Variants in MYH15 observed in about 807,000 individuals in gnomAD.
MYH15 encodes the protein myosin-15.
In MYH15, 227 loss-of-function variants were observed where a neutral mutation model predicts 240.5. The observed-to-expected ratio is 0.94, with a 90% confidence interval of 0.85 to 1.05. MYH15 has a LOEUF of 1.05. Among genes scored for constraint, MYH15 ranks in the 50% least tolerant of loss-of-function variants. The pLI is 0.00. For synonymous variants in MYH15, 785 were observed against 796.7 expected (o/e 0.99, Z 0.25); for missense variants, 2,217 against 2,247.5 (o/e 0.99, Z 0.27).
rs1321098161 is a variant in MYH15 at position 108,480,337 on chromosome 3, AAAG to A, written c.1115-3825_1115-3823del. On this transcript the variant is annotated intron_variant, in intron 11 of 40. Transcript: ENST00000693548. ...GCGTTGAAGAGTACAAGGTATGGTCAAAGAAGAGGTTGTAACCCAGAGGGACTG... is the reference window on the plus strand; with the variant it reads ...GCGTTGAAGAGTACAAGGTATGGTCAAAGAGGTTGTAACCCAGAGGGACTG... 8.5e-5 allele frequency among the ~76,000 whole-genome samples: 13 copies of A among 152,346 alleles called. No individual in the cohort carries two copies. In the East Asian group the frequency reaches 2.3e-3, roughly 27 times the overall value.
intron 7 of MYH15, 33 bp downstream of exon 7, chr3:108,495,747 T>C (rs2083384626): frequency 1.3e-6 from 2 of 1,531,146 alleles, no homozygotes; most frequent in African/African-American, 1.4e-5. Context: ...ACAAATTAAA[T>C]ACTTTGATAT....
In MYH15 at chr3:108,381,374, G is replaced by A; in HGVS notation, c.*171C>T. On this transcript the variant is annotated 3_prime_UTR_variant, in exon 41 of 41. Coordinates refer to ENST00000693548, the MANE Select transcript of MYH15 (RefSeq NM_014981.3). ...GAGGATCAAAAAATCCCCATTAACT[G>A]TGGAAGCAATGATATTCCCTTTAAT... 1 of 727,448 alleles carries A rather than the reference G, an allele frequency of 1.4e-6. No individual in the cohort carries two copies. The highest frequency in any genetic ancestry group is 1.8e-5 in the South Asian group (1 of 56,000). The allele number at this position is 727,448 out of a possible 1,614,324, so 45.1% of individuals were successfully genotyped here.
chr3:108,439,448 C>A (rs72939870), intron 24 of MYH15, among the ~76,000 whole-genome samples: 86 of 152,272 alleles, frequency 5.6e-4, no homozygotes, highest in African/African-American at 2.0e-3. Context: ...GGGGAAAAGC[C>A]AGTCACCTAG....
intron 30 of MYH15, among the ~76,000 whole-genome samples, chr3:108,413,036 C>T (rs2082606520): frequency 6.6e-6 from 1 of 152,186 alleles, no homozygotes; most frequent in Non-Finnish European, 1.5e-5. Flanking sequence ...TTCCAACAAA[C>T]CCATGTGGTC....
chr3:108,509,695 C>T (rs924236252), intron 1 of MYH15, among the ~76,000 whole-genome samples: 5 of 152,170 alleles, frequency 3.3e-5, no homozygotes, highest in Admixed American at 6.5e-5. Context: ...CATGTTATAT[C>T]ATACTGTGAA....
rs1363043482 is a variant in MYH15, at chr3:108,455,684, C to A, written c.2262+52G>T. Reference sequence around the variant, plus strand: ...GCATTCACAGGTATTTTAAGATACACAGTCTTCCCCCCATTCGTCTCCAAA... The same window carrying A: ...GCATTCACAGGTATTTTAAGATACAAAGTCTTCCCCCCATTCGTCTCCAAA... On this transcript the variant is annotated intron_variant, in intron 20 of 40. Transcript: ENST00000693548. 6 of 1,587,004 alleles carry A rather than the reference C, an allele frequency of 3.8e-6. No individual in the cohort carries two copies. The East Asian group carries it at 1.3e-4, about 36-fold the overall frequency.
Position 108,518,488 on chromosome 3 carries a change from AAC to A in MYH15, c.-57-7903_-57-7902del, listed in dbSNP as rs1409805392. ...CCAGAATGAGGCCCCCAAGTAGAGA[AAC>A]ACAGTTACTGTACTATCTTATTTAA... is the stretch of plus-strand genomic sequence containing the variant. On this transcript the variant is annotated intron_variant, in intron 1 of 41. Transcript: ENST00000273353. Among the ~76,000 whole-genome samples the A allele has an allele frequency of 6.6e-5, 10 of 152,330 alleles. No individual in the cohort carries two copies. The East Asian group carries it at 1.7e-3, about 26-fold the overall frequency.
At chr3:108,405,873 C>T (rs531177233) in intron 32 of MYH15, among the ~76,000 whole-genome samples, 16 of 152,036 alleles carry the variant, frequency 1.1e-4, no homozygotes, top group Non-Finnish European at 2.4e-4. Flanking sequence ...CTGGACATCA[C>T]GAGGGGATAG....
At chr3:108,455,942 G>T in intron 19 of MYH15, 83 bp from the exon 20 acceptor site, 1 of 1,353,882 alleles carries the variant, frequency 7.4e-7, no homozygotes. Context: ...TGAGGTGAAA[G>T]GAGACATAGA....
At chr3:108,517,335 ATTAATT>A (rs938972462) in intron 1 of MYH15, among the ~76,000 whole-genome samples, 2 of 151,616 alleles carry the variant, frequency 1.3e-5, no homozygotes, top group African/African-American at 4.9e-5. Context: ...AGAACTTCTG[ATTAATT>A]TTTTTTTTGA....
At chr3:108,484,042 C>T (rs1461893322) in intron 11 of MYH15, among the ~76,000 whole-genome samples, 1 of 152,138 alleles carries the variant, frequency 6.6e-6, no homozygotes, top group African/African-American at 2.4e-5. Context: ...CTTCATGCCA[C>T]TGAACTGTAC....
intron 1 of MYH15, among the ~76,000 whole-genome samples, chr3:108,529,044 T>G (rs147071614): frequency 1.3e-5 from 2 of 152,172 alleles, no homozygotes; most frequent in African/African-American, 4.8e-5. Context: ...TGAAATCACA[T>G]GAAGTGTTTT....
At chr3:108,432,695 G>A (rs1194508194) in intron 25 of MYH15, among the ~76,000 whole-genome samples, 1 of 152,186 alleles carries the variant, frequency 6.6e-6, no homozygotes, top group South Asian at 2.1e-4. Context: ...GCTGAAAGGG[G>A]TCAACATAGA....
chr3:108,507,226 AATATATATATAT>A (rs147101810), intron 1 of MYH15, among the ~76,000 whole-genome samples: 2,629 of 98,044 alleles, frequency 0.027, 101 homozygotes, highest in East Asian at 0.094. Flanking sequence ...AAGGAAAATG[AATATATATATAT>A]ATATATATAT....
chr3:108,460,566 G>A (rs1170685708), intron 16 of MYH15, among the ~76,000 whole-genome samples, 199 bp from the exon 17 acceptor site: 1 of 151,936 alleles, frequency 6.6e-6, no homozygotes, highest in Non-Finnish European at 1.5e-5. Flanking sequence ...ATATAATCAG[G>A]CAACTGTGCA....
chr3:108,443,754 A>T (rs2107570670), intron 22 of MYH15, among the ~76,000 whole-genome samples: 1 of 152,136 alleles, frequency 6.6e-6, no homozygotes, highest in South Asian at 2.1e-4. Flanking sequence ...TTTTTTAAAG[A>T]CAATGGTTCT....
In MYH15 at chr3:108,410,759, T is replaced by C; in HGVS notation, c.4319A>G (p.Gln1440Arg). 1 of 1,614,168 alleles carries C rather than the reference T, an allele frequency of 6.2e-7. No homozygotes were observed. Among genetic ancestry groups the C allele is most frequent in the South Asian group, 1.1e-5 (1 of 91,086 alleles). The change falls in exon 31 of 41, where the codon CAG (glutamine) becomes CGG (arginine). Residue 1440 changes from glutamine (Q) to arginine (R), a missense_variant. Physicochemically the swap from Gln to Arg is conservative, Grantham distance 43 (BLOSUM62 1). Transcript: ENST00000693548. ...AAARLDQKQL[Q>R]SGKALADWKQ... is the part of the protein sequence containing the mutation. ...CCAGTCGGCAAGGGCCTTGCCAGAC[T>C]GCAGCTGCTTCTGGTCCAGCCTGGC... is the stretch of plus-strand genomic sequence containing the variant.
the MYH15 span, among the ~76,000 whole-genome samples, chr3:108,535,967 A>C: frequency 6.6e-6 from 1 of 152,190 alleles, no homozygotes; most frequent in Non-Finnish European, 1.5e-5. Context: ...ATTGCATTAG[A>C]AAAACAGTTG....
intron 14 of MYH15, among the ~76,000 whole-genome samples, chr3:108,465,526 T>C (rs1476512175): frequency 6.6e-6 from 1 of 152,240 alleles, no homozygotes; most frequent in Non-Finnish European, 1.5e-5. Context: ...TGATTTGATA[T>C]ATGCTTAAAG....
Sources: allele counts gnomAD v4.1 joint callset (sites outside exome capture counted in the v4.1 genomes callset), GRCh38; gene constraint gnomAD v4.1.1; transcripts MANE v1.5; gene names NCBI Gene and HGNC (gene_info 2026-07-23, HGNC 2026-07-21).